The following PITPNC1 variants were observed in gnomAD, a reference collection of about 807,000 sequenced individuals.
PITPNC1 encodes the protein cytoplasmic phosphatidylinositol transfer protein 1.
PITPNC1 carries 18 observed loss-of-function variants against 44.7 expected under a neutral mutation model. The observed-to-expected ratio is 0.40, with a 90% confidence interval of 0.28 to 0.60. The LOEUF is 0.60. Ranked by LOEUF, PITPNC1 falls within the 20% of genes least tolerant of loss-of-function variation. PITPNC1 has a pLI of 0.39. For missense variants in PITPNC1, 290 were observed against 418.4 expected (o/e 0.69, Z 2.68); for synonymous variants, 141 against 149.6 (o/e 0.94, Z 0.42).
At chr17:67,425,546 G>A (rs1272787741) in intron 1 of PITPNC1, among the ~76,000 whole-genome samples, 3 of 133,184 alleles carry the variant, frequency 2.3e-5, no homozygotes, top group African/African-American at 2.8e-5. Context: ...TTTAGAGACA[G>A]GGTCTTGCTC....
At chr17:67,409,319 C>T (rs1373008249) in intron 1 of PITPNC1, among the ~76,000 whole-genome samples, 2 of 151,672 alleles carry the variant, frequency 1.3e-5, no homozygotes, top group Non-Finnish European at 2.9e-5. Flanking sequence ...CTCCTGACCT[C>T]ATGATCCACC....
intron 1 of PITPNC1, among the ~76,000 whole-genome samples, chr17:67,379,622 A>G (rs890386318): frequency 2.6e-5 from 4 of 152,202 alleles, no homozygotes; most frequent in Non-Finnish European, 5.9e-5. Flanking sequence ...TAAGTGGAGA[A>G]GCAGGACATA....
At chr17:67,436,608 G>C (rs1442722187) in intron 1 of PITPNC1, among the ~76,000 whole-genome samples, 2 of 152,076 alleles carry the variant, frequency 1.3e-5, no homozygotes, top group Non-Finnish European at 2.9e-5. Flanking sequence ...TTTTGCAATG[G>C]GAGCCACTGA....
chr17:67,654,815 A>G (rs2042245796), intron 6 of PITPNC1, among the ~76,000 whole-genome samples: 1 of 151,908 alleles, frequency 6.6e-6, no homozygotes, highest in Non-Finnish European at 1.5e-5. Flanking sequence ...TTGTATTTTT[A>G]GTAGAGACGG....
At chr17:67,399,240 C>G (rs1161128483) in intron 1 of PITPNC1, among the ~76,000 whole-genome samples, 1 of 152,020 alleles carries the variant, frequency 6.6e-6, no homozygotes, top group Admixed American at 6.6e-5. Flanking sequence ...GTCTCGAACT[C>G]CTGACCTTGT....
At chr17:67,473,116 T>A (rs554644210) in intron 1 of PITPNC1, among the ~76,000 whole-genome samples, 1 of 152,130 alleles carries the variant, frequency 6.6e-6, no homozygotes, top group Non-Finnish European at 1.5e-5. Context: ...GACCTCGTGA[T>A]CCACCCGCCT....
chr17:67,436,647 T>C (rs1300107048), intron 1 of PITPNC1, among the ~76,000 whole-genome samples: 1 of 152,092 alleles, frequency 6.6e-6, no homozygotes, highest in Non-Finnish European at 1.5e-5. Flanking sequence ...TGACATAATC[T>C]GATTCATGTT....
chr17:67,509,343 C>T (rs1199720176), intron 1 of PITPNC1, among the ~76,000 whole-genome samples: 1 of 151,434 alleles, frequency 6.6e-6, no homozygotes, highest in Non-Finnish European at 1.5e-5. Flanking sequence ...ACTAGCCTGG[C>T]CAATATGGTG....
rs773797594 is a variant in PITPNC1 at position 67,522,659 on chromosome 17, C to CTTTTTTTTTTTTTTTTTTTTTTTTTTTTT, written c.49-10129_49-10128insTTTTTTTTTTTTTTTTTTTTTTTTTTTTT. On this transcript the variant is annotated intron_variant, in intron 1 of 8. Transcript: ENST00000581322. The stretch of plus-strand genomic sequence containing the variant: ...ATATCATAAAATTTACCATTTTAAT[C>CTTTTTTTTTTTTTTTTTTTTTTTTTTTTT]TTTTTTTTTTTTTTGGAAAATGAGG... 4.0e-4 allele frequency among the ~76,000 whole-genome samples: 47 copies of CTTTTTTTTTTTTTTTTTTTTTTTTTTTTT among 117,206 alleles called. 9 individuals are homozygous for CTTTTTTTTTTTTTTTTTTTTTTTTTTTTT. Among genetic ancestry groups the CTTTTTTTTTTTTTTTTTTTTTTTTTTTTT allele is most frequent in the African/African-American group, 1.6e-3 (36 of 22,814 alleles). The allele number at this position is 117,206 out of a possible 152,430, so 76.9% of individuals were successfully genotyped here.
chr17:67,576,416 G>A (rs1195155065), intron 4 of PITPNC1, among the ~76,000 whole-genome samples: 1 of 152,192 alleles, frequency 6.6e-6, no homozygotes, highest in Non-Finnish European at 1.5e-5. Flanking sequence ...GAGAGCATCA[G>A]AGCATTTGTA....
chr17:67,614,682 A>T (rs11658418), intron 5 of PITPNC1, among the ~76,000 whole-genome samples: 2,457 of 150,562 alleles, frequency 0.016, 24 homozygotes, highest in Middle Eastern at 0.082. Flanking sequence ...AAAAAAAAAA[A>T]AAATAAATAT....
At chr17:67,598,061 A>C (rs1322131993) in intron 5 of PITPNC1, among the ~76,000 whole-genome samples, 1 of 152,060 alleles carries the variant, frequency 6.6e-6, no homozygotes, top group African/African-American at 2.4e-5. Context: ...GTCTCTACTA[A>C]AAATACAAAA....
chr17:67,634,586 C>T (rs1371426712), intron 6 of PITPNC1, among the ~76,000 whole-genome samples: 2 of 152,044 alleles, frequency 1.3e-5, no homozygotes, highest in Non-Finnish European at 2.9e-5. Context: ...CCCTTCAGGA[C>T]ACTTCCAATC....
chr17:67,604,643 C>A (rs1378968345), intron 5 of PITPNC1, among the ~76,000 whole-genome samples: 1 of 151,908 alleles, frequency 6.6e-6, no homozygotes, highest in Non-Finnish European at 1.5e-5. Context: ...ATTAGCCAGG[C>A]GTGAAAGCAT....
chr17:67,513,649 A>G (rs970478614), intron 1 of PITPNC1, among the ~76,000 whole-genome samples: 4 of 151,998 alleles, frequency 2.6e-5, no homozygotes, highest in Non-Finnish European at 4.4e-5. Flanking sequence ...TAGGAAGAAG[A>G]GACGGCTGGA....
chr17:67,448,357 G>C (rs1480738592), intron 1 of PITPNC1, among the ~76,000 whole-genome samples: 1 of 152,090 alleles, frequency 6.6e-6, no homozygotes, highest in Non-Finnish European at 1.5e-5. Context: ...GTGGATGTGG[G>C]GGTTCTTCTA....
chr17:67,438,088 A>G (rs1230864552), intron 1 of PITPNC1, among the ~76,000 whole-genome samples: 1 of 152,010 alleles, frequency 6.6e-6, no homozygotes, highest in African/African-American at 2.4e-5. Flanking sequence ...AAAAAGAAAA[A>G]AAAAGAAGAG....
At chr17:67,487,071 T>A (rs1251197658) in intron 1 of PITPNC1, among the ~76,000 whole-genome samples, 2 of 152,136 alleles carry the variant, frequency 1.3e-5, no homozygotes, top group Non-Finnish European at 2.9e-5. Flanking sequence ...CTTATGTAGC[T>A]GTATGAAAAA....
chr17:67,606,300 AG>A (rs2041607289), intron 5 of PITPNC1, among the ~76,000 whole-genome samples: 1 of 152,238 alleles, frequency 6.6e-6, no homozygotes. Context: ...CTTGGGGAAA[AG>A]CATCTTTTCC....
Sources: gnomAD v4.1 joint callset for allele counts (sites outside exome capture counted in the v4.1 genomes callset) on GRCh38, gnomAD v4.1.1 for gene constraint, MANE v1.5 for transcripts, NCBI Gene and HGNC (gene_info 2026-07-23, HGNC 2026-07-21) for gene names.